Variants in ST8SIA1 observed in about 807,000 individuals in gnomAD.
ST8SIA1 encodes ST8 alpha-N-acetyl-neuraminide alpha-2,8-sialyltransferase 1, also known as alpha-N-acetylneuraminide alpha-2,8-sialyltransferase.
Under a neutral mutation model 35.9 loss-of-function variants are expected in ST8SIA1, and 16 were observed. The ratio of observed to expected loss-of-function variants is 0.45; its 90% CI spans 0.30 to 0.68. The LOEUF (loss-of-function observed/expected upper bound fraction) is 0.68. Among genes scored for constraint, ST8SIA1 ranks in the 30% least tolerant of loss-of-function variants. The probability of loss-of-function intolerance (pLI) is 0.09; values close to 1 mark genes in which losing one functional copy is unlikely to be tolerated. For missense variants in ST8SIA1, 383 were observed against 453.6 expected, an observed-to-expected ratio of 0.84 and a Z score of 1.41; for synonymous variants, 170 against 169.6, an observed-to-expected ratio of 1.00 and a Z score of -0.02.
intron 2 of ST8SIA1, among the ~76,000 whole-genome samples, chr12:22,259,761 C>T (rs1176756411): frequency 1.3e-5 from 2 of 152,020 alleles, no homozygotes; most frequent in African/African-American, 2.4e-5. Flanking sequence ...CCACCGCGCC[C>T]GGCCAAAAAT....
intron 2 of ST8SIA1, chr12:22,286,542 C>T (rs941978942): frequency 1.9e-6 from 1 of 517,170 alleles, no homozygotes. Flanking sequence ...ATAAAATTTC[C>T]CTTTTCCCCC....
intron 2 of ST8SIA1, among the ~76,000 whole-genome samples, chr12:22,266,357 G>A (rs1591839103): frequency 1.3e-5 from 2 of 152,022 alleles, no homozygotes; most frequent in Middle Eastern, 6.8e-3. Context: ...GTAAATGCAC[G>A]TGGAATTGAA....
chr12:22,325,597 T>A (rs1866664902), intron 1 of ST8SIA1: 1 of 649,710 alleles, frequency 1.5e-6, no homozygotes, highest in Non-Finnish European at 2.8e-6. Context: ...AAACTAGGAA[T>A]CTCCTCTTAT....
At chr12:22,330,685 G>T (rs1360297503) in intron 1 of ST8SIA1, among the ~76,000 whole-genome samples, 1 of 152,118 alleles carries the variant, frequency 6.6e-6, no homozygotes, top group Non-Finnish European at 1.5e-5. Flanking sequence ...TTCTTATGAG[G>T]ATTAAATGAG....
intron 4 of ST8SIA1, among the ~76,000 whole-genome samples, chr12:22,221,683 A>C (rs1360181420): frequency 1.3e-5 from 2 of 152,220 alleles, no homozygotes; most frequent in African/African-American, 4.8e-5. Context: ...AGAGCCTAAG[A>C]GTTAATTATA....
Position 22,199,341 on chromosome 12 carries a change from G to T in ST8SIA1, c.*2211C>A, listed in dbSNP as rs2120595639. ...CATTAATTACATTTTAACAATTAAA[G>T]TACTAATCTGAGTAACATTTTATTA... On this transcript the variant is annotated 3_prime_UTR_variant, in exon 5 of 5. Transcript: ENST00000396037. 6.8e-6 allele frequency: 1 copy of T among 147,594 alleles called. No homozygotes were observed. The highest frequency in any genetic ancestry group is 1.5e-5 in the Non-Finnish European group (1 of 66,428). 9.1% of individuals were successfully genotyped at this position (147,594 alleles called of 1,614,324 possible). A position where few individuals can be genotyped will look rare whatever the true frequency, so the allele number is the denominator to read the frequency against.
chr12:22,222,646 A>G (rs1865312664), intron 4 of ST8SIA1, among the ~76,000 whole-genome samples: 1 of 151,948 alleles, frequency 6.6e-6, no homozygotes, highest in South Asian at 2.1e-4. Flanking sequence ...ACATATATAC[A>G]TATACTTATA....
At position 22,249,045 on chromosome 12, in the gene ST8SIA1, C is replaced by A; in HGVS notation, c.545G>T (p.Ser182Ile). 6.2e-7 allele frequency: 1 copy of A among 1,613,944 alleles called. No homozygotes were observed. The highest frequency in any genetic ancestry group is 8.5e-7 in the Non-Finnish European group (1 of 1,179,926). ...GCTGGGATTAGCTGTCACTAACTGA[C>A]TTTTGGATCCAACATCCTTAGTGTA... Reference protein sequence around the residue: ...SEYTKDVGSKSQLVTANPSII... With the variant: ...SEYTKDVGSKIQLVTANPSII... The change falls in exon 4 of 5, where the codon AGT (serine) becomes ATT (isoleucine). Residue 182 changes from serine (S) to isoleucine (I), a missense_variant. Coordinates refer to ENST00000396037, the MANE Select transcript of ST8SIA1 (RefSeq NM_003034.4).
intron 3 of ST8SIA1, among the ~76,000 whole-genome samples, chr12:22,251,586 C>T (rs899964488): frequency 6.6e-6 from 1 of 152,104 alleles, no homozygotes; most frequent in Non-Finnish European, 1.5e-5. Context: ...AATTTTAGTT[C>T]CTCAACTCAT....
intron 4 of ST8SIA1, chr12:22,223,890 C>G: frequency 2.1e-6 from 2 of 931,002 alleles, no homozygotes. Flanking sequence ...GTTATATCTT[C>G]TTTTGCTTTC....
chr12:22,224,996 G>T (rs2120672087), intron 4 of ST8SIA1, among the ~76,000 whole-genome samples: 1 of 152,282 alleles, frequency 6.6e-6, no homozygotes, highest in Non-Finnish European at 1.5e-5. Context: ...TCATACATAG[G>T]AAGAATGCTG....
Position 22,320,996 on chromosome 12 carries a change from A to AAAG in ST8SIA1, c.236+12998_236+13000dup, listed in dbSNP as rs758158464. ...GAAAGAAAGAAAGAAAGAAAGAAAG[A>AAAG]AAGAAAGAAGAAAGAAAGAAAGAAA... On this transcript the variant is annotated intron_variant, in intron 1 of 4. Transcript: ENST00000396037. Among the ~76,000 whole-genome samples, 790 of 102,156 alleles carry AAAG rather than the reference A, an allele frequency of 7.7e-3. 2 individuals are homozygous for AAAG. Among genetic ancestry groups the AAAG allele is most frequent in the Middle Eastern group, 0.014 (3 of 220 alleles). 67.0% of individuals were successfully genotyped at this position (102,156 alleles called of 152,430 possible).
At chr12:22,299,173 G>T (rs1013354028) in intron 1 of ST8SIA1, among the ~76,000 whole-genome samples, 7 of 151,942 alleles carry the variant, frequency 4.6e-5, no homozygotes, top group African/African-American at 1.7e-4. Flanking sequence ...TTCATTATTT[G>T]GGTATTTTCC....
At position 22,196,052 on chromosome 12, in the gene ST8SIA1, A is replaced by G. The variant is rs1350454035; in HGVS notation, c.*5500T>C. The G allele has an allele frequency of 2.6e-5, 4 of 152,226 alleles. No homozygotes were observed. The highest frequency in any genetic ancestry group is 5.9e-5 in the Non-Finnish European group (4 of 68,038). 9.4% of individuals were successfully genotyped at this position (152,226 alleles called of 1,614,324 possible). On this transcript the variant is annotated 3_prime_UTR_variant, in exon 5 of 5. Coordinates refer to ENST00000396037, the MANE Select transcript of ST8SIA1 (RefSeq NM_003034.4). Reference sequence around the variant, plus strand: ...TTGATTATATCCCACAGCTTCAACAAGAAAAAAATTACCTGAAAGAATTTT... The same window carrying G: ...TTGATTATATCCCACAGCTTCAACAGGAAAAAAATTACCTGAAAGAATTTT...
Position 22,255,336 on chromosome 12 carries a change from C to G in ST8SIA1, c.435G>C (p.Gly145=). Reference sequence around the variant, plus strand: ...GGCCACAGCCACTCTTCTTCAGAATCCCACCATTTCCCACCACCGCGCATT... The same window carrying G: ...GGCCACAGCCACTCTTCTTCAGAATGCCACCATTTCCCACCACCGCGCATT... ...LKKCAVVGNG[G]ILKKSGCGRQ... Residue 145 remains glycine, a synonymous_variant, in exon 3 of 5, where the codon GGG becomes GGC. Coordinates refer to ENST00000396037, the MANE Select transcript of ST8SIA1 (RefSeq NM_003034.4). The G allele has an allele frequency of 5.0e-6, 8 of 1,614,180 alleles. No homozygotes were observed. The highest frequency in any genetic ancestry group is 6.8e-6 in the Non-Finnish European group (8 of 1,180,016).
intron 1 of ST8SIA1, among the ~76,000 whole-genome samples, chr12:22,294,526 T>C (rs576468034): frequency 6.6e-6 from 1 of 152,340 alleles, no homozygotes; most frequent in South Asian, 2.1e-4. Flanking sequence ...TTCTGGATAA[T>C]TTGCCAGAAC....
chr12:22,321,516 A>G (rs1022580290), intron 1 of ST8SIA1, among the ~76,000 whole-genome samples: 7 of 152,176 alleles, frequency 4.6e-5, no homozygotes. Flanking sequence ...AAGCGCCTAG[A>G]GGTTCTAGAG....
chr12:22,278,892 C>G (rs1866000955), intron 2 of ST8SIA1, among the ~76,000 whole-genome samples: 2 of 152,098 alleles, frequency 1.3e-5, no homozygotes, highest in South Asian at 4.1e-4. Flanking sequence ...TTGACCCATG[C>G]CCATCTATCC....
At chr12:22,307,370 T>C (rs1444059615) in intron 1 of ST8SIA1, among the ~76,000 whole-genome samples, 3 of 152,178 alleles carry the variant, frequency 2.0e-5, no homozygotes, top group African/African-American at 7.2e-5. Flanking sequence ...TATCTTGGTA[T>C]GGTTTAAGCC....
Sources: gnomAD v4.1 joint callset for allele counts (sites outside exome capture counted in the v4.1 genomes callset) on GRCh38, gnomAD v4.1.1 for gene constraint, MANE v1.5 for transcripts, NCBI Gene and HGNC (gene_info 2026-07-23, HGNC 2026-07-21) for gene names.